Variants in LY75 observed in about 807,000 individuals in gnomAD.
The protein encoded by LY75 is lymphocyte antigen 75.
A neutral mutation model predicts 231.7 loss-of-function variants in LY75; 185 were observed. The observed-to-expected ratio is 0.80, with a 90% CI of 0.71 to 0.90. The LOEUF (loss-of-function observed/expected upper bound fraction) is 0.90. Among genes scored for constraint, LY75 ranks in the 40% least tolerant of loss-of-function variants. LY75 has a pLI of 0.00. For missense variants in LY75, 1,947 were observed against 2,050.2 expected (o/e 0.95, Z 0.97); for synonymous variants, 668 against 689.0 (o/e 0.97, Z 0.48).
At chr2:159,841,773 T>A (rs1212883546) in intron 24 of LY75, among the ~76,000 whole-genome samples, 1 of 152,086 alleles carries the variant, frequency 6.6e-6, no homozygotes. Flanking sequence ...AGTTTTTTTC[T>A]CCTTTTCCCA....
chr2:159,875,067 T>A (rs1458897829), intron 12 of LY75, among the ~76,000 whole-genome samples: 1 of 148,386 alleles, frequency 6.7e-6, no homozygotes, highest in Non-Finnish European at 1.5e-5. Flanking sequence ...TGTAAAAGTG[T>A]AAATATATAT....
chr2:159,805,338 T>G (rs1262632372), intron 34 of LY75, 116 bp from the exon 35 acceptor site: 2 of 644,658 alleles, frequency 3.1e-6, no homozygotes, highest in East Asian at 5.4e-5. Flanking sequence ...ACAGACATAA[T>G]AAATCTGATT....
In LY75 at chr2:159,840,970, A is replaced by AAACAAC; in HGVS notation, c.3281-21_3281-16dup. The AAACAAC allele has an allele frequency of 6.2e-7, 1 of 1,610,514 alleles. No individual in the cohort carries two copies. Among genetic ancestry groups the AAACAAC allele is most frequent in the Non-Finnish European group, 8.5e-7 (1 of 1,179,012 alleles). ...GCTTTTAACTTCTGCATGTAAAAGAAAACAACAACAACAACAAACCCTTCC... is the reference window on the plus strand; with the variant it reads ...GCTTTTAACTTCTGCATGTAAAAGAAAACAACAACAACAACAACAACAAACCCTTCC... On this transcript the variant is annotated splice_polypyrimidine_tract_variant and intron_variant, in intron 24 of 34. Coordinates refer to ENST00000263636, the MANE Select transcript of LY75 (RefSeq NM_002349.4).
intron 25 of LY75, among the ~76,000 whole-genome samples, chr2:159,836,198 C>T (rs1683819297): frequency 6.6e-6 from 1 of 152,142 alleles, no homozygotes; most frequent in Non-Finnish European, 1.5e-5. Flanking sequence ...CCATCCCCTA[C>T]CAAGTTAAGT....
In LY75 at chr2:159,841,564, T is replaced by A. The variant is rs559106383; in HGVS notation, c.3281-609A>T. On this transcript the variant is annotated intron_variant, in intron 24 of 34. Transcript: ENST00000263636. ...AATGAAAAATAATGTAATACTTTTT[T>A]AAAAATATATTTTTCAAAATATGGA... 2.6e-5 allele frequency among the ~76,000 whole-genome samples: 4 copies of A among 152,268 alleles called. No individual in the cohort carries two copies. In the East Asian group the frequency reaches 5.8e-4, roughly 22 times the overall value.
At chr2:159,862,700 G>T (rs1684750817) in intron 14 of LY75, among the ~76,000 whole-genome samples, 1 of 152,058 alleles carries the variant, frequency 6.6e-6, no homozygotes, top group Admixed American at 6.6e-5. Flanking sequence ...GCAGATAAAA[G>T]TATATGCATT....
chr2:159,876,701 C>T (rs1414727599), intron 11 of LY75, among the ~76,000 whole-genome samples: 1 of 152,004 alleles, frequency 6.6e-6, no homozygotes, highest in African/African-American at 2.4e-5. Context: ...CACCTTTACT[C>T]TTAGTGTCTA....
chr2:159,821,009 T>C (rs559888057), intron 28 of LY75, among the ~76,000 whole-genome samples: 31 of 152,228 alleles, frequency 2.0e-4, no homozygotes, highest in African/African-American at 6.5e-4. Flanking sequence ...TGGCTAACTT[T>C]TGTATATTTT....
chr2:159,834,323 T>C, intron 26 of LY75, 112 bp from the exon 27 acceptor site: 1 of 1,376,640 alleles, frequency 7.3e-7, no homozygotes, highest in Non-Finnish European at 9.9e-7. Flanking sequence ...AGAAGTAATA[T>C]CCTGGTGAAG....
chr2:159,807,626 G>A (rs1682827789), intron 33 of LY75: 1 of 985,296 alleles, frequency 1.0e-6, no homozygotes, highest in Admixed American at 6.1e-5. Flanking sequence ...CTTTCCAGCT[G>A]AAGTGGCACC....
In LY75 at chr2:159,886,537, G is replaced by T; in HGVS notation, c.803-7C>A. ...TTAGCAATGCCTTCTTTTTCTGTAA[G>T]AATTAAAAAATTTTTAAAAAGTGAC... On this transcript the variant is annotated splice_region_variant and splice_polypyrimidine_tract_variant and intron_variant, in intron 4 of 34. Transcript: ENST00000263636. 6.3e-7 allele frequency: 1 copy of T among 1,581,528 alleles called. No individual in the cohort carries two copies.
chr2:159,819,990 G>A, intron 28 of LY75, 70 bp from the exon 29 acceptor site: 1 of 1,414,944 alleles, frequency 7.1e-7, no homozygotes, highest in Non-Finnish European at 9.3e-7. Context: ...ATACAGTTAA[G>A]ATTTCAAACT....
At position 159,858,357 on chromosome 2, in the gene LY75, C is replaced by T. The variant is rs751120953; in HGVS notation, c.2383+5G>A. 4 of 1,612,610 alleles carry T rather than the reference C, an allele frequency of 2.5e-6. No homozygotes were observed. In the Admixed American group the frequency reaches 6.7e-5, roughly 27 times the overall value. On this transcript the variant is annotated splice_donor_5th_base_variant and intron_variant, in intron 16 of 34. Coordinates refer to ENST00000263636, the MANE Select transcript of LY75 (RefSeq NM_002349.4). The stretch of plus-strand genomic sequence containing the variant: ...AGGTTGTGAAAAGGAATAACTACCA[C>T]TTACCTTTTGGAATTTGGCACACCC...
intron 8 of LY75, 93 bp from the exon 9 acceptor site, chr2:159,879,462 G>A (rs1685372390): frequency 1.3e-6 from 2 of 1,526,386 alleles, no homozygotes; most frequent in Non-Finnish European, 1.8e-6. Flanking sequence ...GAGACAGAGA[G>A]AGAGAAATGA....
At chr2:159,859,449 T>G (rs941256556) in intron 15 of LY75, among the ~76,000 whole-genome samples, 1 of 152,200 alleles carries the variant, frequency 6.6e-6, no homozygotes, top group Non-Finnish European at 1.5e-5. Flanking sequence ...ACTCTATATA[T>G]TGGCAGTTCC....
chr2:159,816,740 C>T (rs543354016), intron 30 of LY75, 66 bp downstream of exon 30: 55 of 1,588,450 alleles, frequency 3.5e-5, no homozygotes, highest in African/African-American at 1.1e-4. Flanking sequence ...TAATACTTTA[C>T]GCTCAAATTT....
intron 34 of LY75, among the ~76,000 whole-genome samples, chr2:159,806,364 C>A (rs1039420202): frequency 6.6e-5 from 10 of 152,042 alleles, no homozygotes; most frequent in African/African-American, 2.4e-4. Flanking sequence ...GAGGTTTTAT[C>A]TTTAATATTT....
Position 159,834,052 on chromosome 2 carries a change from T to C in LY75, c.3833A>G (p.Gln1278Arg). 1.9e-6 allele frequency: 3 copies of C among 1,613,508 alleles called. No individual in the cohort carries two copies. Among genetic ancestry groups the C allele is most frequent in the Non-Finnish European group, 2.5e-6 (3 of 1,179,768 alleles). Reference protein sequence around the residue: ...TTQDEVHTKCQKLNPKSHILS... With the variant: ...TTQDEVHTKCRKLNPKSHILS... Reference sequence around the variant, plus strand: ...ACTAATATAATACTTACTCAGTTTCTGGCATTTAGTATGAACTTCATCCTG... The same window carrying C: ...ACTAATATAATACTTACTCAGTTTCCGGCATTTAGTATGAACTTCATCCTG... The change falls in exon 27 of 35, where the codon CAG becomes CGG. Residue 1278 changes from glutamine (Q) to arginine (R), a missense_variant. Physicochemically the swap from Gln to Arg is conservative, Grantham distance 43. Transcript: ENST00000263636.
At chr2:159,832,685 T>C (rs1683700628) in intron 27 of LY75, among the ~76,000 whole-genome samples, 1 of 152,268 alleles carries the variant, frequency 6.6e-6, no homozygotes, top group African/African-American at 2.4e-5. Context: ...TTAAGGCATA[T>C]GTTAATGTAC....
Sources: allele counts gnomAD v4.1 joint callset (sites outside exome capture counted in the v4.1 genomes callset), GRCh38; gene constraint gnomAD v4.1.1; transcripts MANE v1.5; gene names NCBI Gene and HGNC (gene_info 2026-07-23, HGNC 2026-07-21).